Variants in PDSS2 observed in about 807,000 individuals in gnomAD.
PDSS2 encodes the protein decaprenyl diphosphate synthase subunit 2.
Under a neutral mutation model 44.5 loss-of-function variants are expected in PDSS2, and 31 were observed. That is an observed-to-expected ratio of 0.70 (90% CI 0.52 to 0.94). The LOEUF (loss-of-function observed/expected upper bound fraction) is 0.94. Among genes scored for constraint, PDSS2 ranks in the 40% least tolerant of loss-of-function variants. The pLI, the probability that PDSS2 is intolerant of heterozygous loss-of-function variation, is 0.00. For missense variants in PDSS2, 452 were observed against 482.2 expected (o/e 0.94, Z 0.59); for synonymous variants, 157 against 180.3 (o/e 0.87, Z 1.03).
At chr6:107,207,012 A>G (rs1368452226) in intron 6 of PDSS2, among the ~76,000 whole-genome samples, 4 of 140,804 alleles carry the variant, frequency 2.8e-5, no homozygotes. Context: ...TTTTTTTTTT[A>G]GACGGAGTCT....
chr6:107,455,812 T>A (rs1782023850), intron 1 of PDSS2, among the ~76,000 whole-genome samples: 1 of 148,702 alleles, frequency 6.7e-6, no homozygotes, highest in Admixed American at 6.7e-5. Flanking sequence ...TCTAGTGTTA[T>A]GAGAACTAGG....
chr6:107,159,453 G>A (rs9386616), intron 7 of PDSS2, among the ~76,000 whole-genome samples: 67,427 of 139,830 alleles, frequency 0.48, 17,448 homozygotes, highest in Middle Eastern at 0.59. Context: ...GTCTTGCTCT[G>A]TTGCCCAGGC....
At chr6:107,451,207 G>A (rs1781855648) in intron 1 of PDSS2, among the ~76,000 whole-genome samples, 1 of 152,170 alleles carries the variant, frequency 6.6e-6, no homozygotes, top group South Asian at 2.1e-4. Context: ...CATCAGCAAT[G>A]CATGAGAAAT....
chr6:107,415,371 A>G (rs766148320), intron 1 of PDSS2, among the ~76,000 whole-genome samples: 10 of 152,098 alleles, frequency 6.6e-5, no homozygotes, highest in Non-Finnish European at 1.5e-4. Flanking sequence ...CCCTTCTACT[A>G]CTTACCAGCT....
intron 1 of PDSS2, among the ~76,000 whole-genome samples, chr6:107,441,405 G>A (rs986218355): frequency 6.6e-6 from 1 of 152,190 alleles, no homozygotes; most frequent in Non-Finnish European, 1.5e-5. Context: ...AAAGGCTGCC[G>A]CCAGTCTCTG....
At chr6:107,158,934 G>A (rs1771013362) in intron 7 of PDSS2, among the ~76,000 whole-genome samples, 1 of 151,786 alleles carries the variant, frequency 6.6e-6, no homozygotes, top group African/African-American at 2.4e-5. Context: ...TCACCACATT[G>A]GTCAGGCTGG....
chr6:107,237,438 T>C (rs1774261382), intron 4 of PDSS2, among the ~76,000 whole-genome samples: 2 of 151,788 alleles, frequency 1.3e-5, no homozygotes, highest in Admixed American at 1.3e-4. Context: ...AGACGGGGTT[T>C]CACCATGTTG....
chr6:107,390,399 A>T (rs1267376963), intron 1 of PDSS2, among the ~76,000 whole-genome samples: 1 of 152,148 alleles, frequency 6.6e-6, no homozygotes, highest in African/African-American at 2.4e-5. Context: ...ACCCAAACTA[A>T]GGGACACTCC....
chr6:107,232,168 T>C (rs563782823), intron 4 of PDSS2, among the ~76,000 whole-genome samples: 4 of 152,282 alleles, frequency 2.6e-5, no homozygotes, highest in South Asian at 2.1e-4. Flanking sequence ...AACAGAATGA[T>C]AGATTCCTTT....
At chr6:107,225,155 A>ATATATT (rs1554256061) in intron 4 of PDSS2, among the ~76,000 whole-genome samples, 6 of 51,454 alleles carry the variant, frequency 1.2e-4, no homozygotes, top group African/African-American at 4.7e-4. Context: ...ATATATATAT[A>ATATATT]TATATATTTT....
chr6:107,433,583 C>A (rs1482459669), intron 1 of PDSS2, among the ~76,000 whole-genome samples: 4 of 152,116 alleles, frequency 2.6e-5, no homozygotes, highest in East Asian at 3.8e-4. Flanking sequence ...AGAATGAAAC[C>A]AGACCTTTAT....
At chr6:107,333,286 T>G (rs755244895) in intron 2 of PDSS2, among the ~76,000 whole-genome samples, 27 of 152,212 alleles carry the variant, frequency 1.8e-4, no homozygotes, top group Non-Finnish European at 3.2e-4. Context: ...CCAAGCATAT[T>G]GCTAGAATTA....
intron 1 of PDSS2, among the ~76,000 whole-genome samples, chr6:107,348,885 T>C (rs962751822): frequency 6.6e-6 from 1 of 152,162 alleles, no homozygotes; most frequent in South Asian, 2.1e-4. Context: ...CACACAAGCT[T>C]GTACAGTACT....
At chr6:107,213,843 A>G (rs1773315291) in intron 4 of PDSS2, among the ~76,000 whole-genome samples, 1 of 152,216 alleles carries the variant, frequency 6.6e-6, no homozygotes, top group Admixed American at 6.5e-5. Context: ...AGTCTTCATG[A>G]AAGTTTATTC....
chr6:107,334,720 A>C (rs1255318785), intron 1 of PDSS2, among the ~76,000 whole-genome samples: 6 of 151,450 alleles, frequency 4.0e-5, no homozygotes, highest in African/African-American at 4.9e-5. Context: ...AAAAAAAAAA[A>C]AAAAAAACGT....
intron 1 of PDSS2, among the ~76,000 whole-genome samples, chr6:107,453,553 T>C (rs981907043): frequency 1.3e-5 from 2 of 152,234 alleles, no homozygotes; most frequent in Admixed American, 1.3e-4. Flanking sequence ...CTGGGTTCTC[T>C]ATTCTGTTCC....
chr6:107,208,343 C>T, intron 6 of PDSS2, among the ~76,000 whole-genome samples: 1 of 120,252 alleles, frequency 8.3e-6, no homozygotes, highest in Non-Finnish European at 1.6e-5. Flanking sequence ...GTCGCTCAGA[C>T]TGGAGTGCAG....
At chr6:107,304,213 G>A (rs910419421) in intron 2 of PDSS2, among the ~76,000 whole-genome samples, 5 of 152,140 alleles carry the variant, frequency 3.3e-5, no homozygotes, top group Non-Finnish European at 1.5e-5. Context: ...CTGGTTGAGT[G>A]ACCCAGAGCT....
At chr6:107,326,428 T>A (rs1777548783) in intron 2 of PDSS2, among the ~76,000 whole-genome samples, 1 of 151,958 alleles carries the variant, frequency 6.6e-6, no homozygotes, top group South Asian at 2.1e-4. Context: ...TGAACTATGT[T>A]TAAAAGCACA....
Sources: allele counts gnomAD v4.1 joint callset (sites outside exome capture counted in the v4.1 genomes callset), GRCh38; gene constraint gnomAD v4.1.1; transcripts MANE v1.5; gene names NCBI Gene and HGNC (gene_info 2026-07-23, HGNC 2026-07-21).